Variants in TTLL5 observed in about 807,000 individuals in gnomAD.
The protein encoded by TTLL5 is tubulin polyglutamylase TTLL5.
A neutral mutation model predicts 168.4 loss-of-function variants in TTLL5; 132 were observed. The observed-to-expected ratio is 0.78, with a 90% confidence interval of 0.68 to 0.91. The LOEUF (loss-of-function observed/expected upper bound fraction) is 0.91. Among genes scored for constraint, TTLL5 ranks in the 40% least tolerant of loss-of-function variants. The probability of loss-of-function intolerance (pLI) is 0.00; values close to 1 mark genes in which losing one functional copy is unlikely to be tolerated. For synonymous variants in TTLL5, 546 were observed against 558.6 expected (o/e 0.98, Z 0.32); for missense variants, 1,545 against 1,581.5 (o/e 0.98, Z 0.39).
intron 30 of TTLL5, chr14:75,887,035 C>A (rs575219992): frequency 8.5e-5 from 110 of 1,290,548 alleles, no homozygotes; most frequent in Middle Eastern, 3.0e-4. Context: ...CTGAGATGAC[C>A]TTCTTTACCC....
chr14:75,877,519 A>G (rs1304930314), intron 29 of TTLL5, among the ~76,000 whole-genome samples: 3 of 152,202 alleles, frequency 2.0e-5, no homozygotes, highest in Non-Finnish European at 4.4e-5. Context: ...TTCTTGCTGT[A>G]GTATGGCTGT....
chr14:75,707,484 A>T lies in TTLL5; in HGVS notation c.656-139A>T, dbSNP rs961011238. On this transcript the variant is annotated intron_variant, in intron 8 of 31. Transcript: ENST00000298832. ...TAATTATTAGTTATCCTCCGAAGTCAAGGTGTGTGAGCAGTGTGTGTTTCA... is the reference window on the plus strand; with the variant it reads ...TAATTATTAGTTATCCTCCGAAGTCTAGGTGTGTGAGCAGTGTGTGTTTCA... 8 of 640,124 alleles carry T rather than the reference A, an allele frequency of 1.2e-5. No individual in the cohort carries two copies. The African/African-American group carries it at 1.3e-4, about 10-fold the overall frequency. The allele number at this position is 640,124 out of a possible 1,614,324, so 39.7% of individuals were successfully genotyped here. A position where few individuals can be genotyped will look rare whatever the true frequency, so the allele number is the denominator to read the frequency against.
At chr14:75,906,961 A>G (rs1391561444) in intron 31 of TTLL5, among the ~76,000 whole-genome samples, 1 of 152,246 alleles carries the variant, frequency 6.6e-6, no homozygotes, top group Non-Finnish European at 1.5e-5. Flanking sequence ...TTTTAAGACA[A>G]TTCAAATAAA....
intron 12 of TTLL5, among the ~76,000 whole-genome samples, chr14:75,721,042 G>A (rs1887803808): frequency 6.6e-6 from 1 of 152,152 alleles, no homozygotes. Context: ...CAGCCAGGCT[G>A]GGAACAGTTC....
At chr14:75,832,807 G>A (rs530174747) in intron 28 of TTLL5, among the ~76,000 whole-genome samples, 3 of 152,306 alleles carry the variant, frequency 2.0e-5, no homozygotes, top group Admixed American at 6.5e-5. Flanking sequence ...AGCATTAAAC[G>A]GTCCATTCCA....
intron 28 of TTLL5, among the ~76,000 whole-genome samples, chr14:75,824,416 A>AG (rs1895004080): frequency 8.4e-6 from 1 of 118,362 alleles, no homozygotes; most frequent in South Asian, 3.2e-4. Context: ...CAAGAAGGGC[A>AG]TGTAAGGAGT....
intron 28 of TTLL5, among the ~76,000 whole-genome samples, chr14:75,826,935 C>T (rs901388337): frequency 6.6e-6 from 1 of 152,184 alleles, no homozygotes; most frequent in Non-Finnish European, 1.5e-5. Flanking sequence ...CCCACCTGCC[C>T]TTCTCGCTGC....
In TTLL5 at chr14:75,707,032, C is replaced by T. The variant is rs1282496964; in HGVS notation, c.600C>T (p.Ser200=). Residue 200 remains serine, a synonymous_variant, in exon 8 of 32, where the codon TCC becomes TCT. Transcript: ENST00000298832. ...VYLINNPNQI[S]LEENILVSRY... is the part of the protein sequence containing the mutation. ...TTACTCAATAGCCAAACCAGATCTCCCTGGAAGAGAACATTTTGGTCTCCC... is the reference window on the plus strand; with the variant it reads ...TTACTCAATAGCCAAACCAGATCTCTCTGGAAGAGAACATTTTGGTCTCCC... The T allele has an allele frequency of 2.5e-6, 4 of 1,611,812 alleles. No homozygotes were observed. The highest frequency in any genetic ancestry group is 3.4e-6 in the Non-Finnish European group (4 of 1,178,580).
intron 27 of TTLL5, among the ~76,000 whole-genome samples, chr14:75,818,726 C>T (rs1365129059): frequency 6.6e-6 from 1 of 150,922 alleles, no homozygotes; most frequent in Non-Finnish European, 1.5e-5. Context: ...GTCTCGGTCT[C>T]CTAACCTCGT....
chr14:75,733,571 T>C (rs945438263), intron 13 of TTLL5, among the ~76,000 whole-genome samples: 2 of 152,190 alleles, frequency 1.3e-5, no homozygotes, highest in South Asian at 2.1e-4. Context: ...TTCTCTTGCG[T>C]GTGAATGTGA....
At chr14:75,810,536 T>A (rs1287882598) in intron 27 of TTLL5, among the ~76,000 whole-genome samples, 1 of 151,926 alleles carries the variant, frequency 6.6e-6, no homozygotes, top group Non-Finnish European at 1.5e-5. Context: ...CCTAATTTTT[T>A]AAATTATATT....
chr14:75,820,140 A>T lies in TTLL5; in HGVS notation c.3305A>T (p.His1102Leu). ...TCAGACCCCCAAGCTCCCGAGAATC[A>T]CTCCAGCTCTCCTGGAAGCAGGTAT... ...TQSDPQAPEN[H>L]SSSPGSRSLQ... Residue 1102 changes from histidine to leucine, a missense_variant, in exon 28 of 32, where the codon CAC becomes CTC. Physicochemically the swap from His to Leu is moderately conservative, Grantham distance 99. Transcript: ENST00000298832. The T allele has an allele frequency of 1.3e-6, 2 of 1,591,962 alleles. No individual in the cohort carries two copies. Among genetic ancestry groups the T allele is most frequent in the Non-Finnish European group, 1.7e-6 (2 of 1,170,598 alleles).
intron 16 of TTLL5, 93 bp downstream of exon 16, chr14:75,745,301 C>T: frequency 3.1e-6 from 4 of 1,303,996 alleles, no homozygotes; most frequent in Non-Finnish European, 4.3e-6. Flanking sequence ...AAACTCATGT[C>T]TTACATTGAA....
intron 13 of TTLL5, among the ~76,000 whole-genome samples, 175 bp from the exon 14 acceptor site, chr14:75,733,814 T>A (rs1888710117): frequency 6.6e-6 from 1 of 152,184 alleles, no homozygotes; most frequent in Non-Finnish European, 1.5e-5. Flanking sequence ...CAGGATTTCA[T>A]TTCTCATATT....
chr14:75,809,309 T>A (rs1893847960), intron 27 of TTLL5, among the ~76,000 whole-genome samples: 1 of 152,196 alleles, frequency 6.6e-6, no homozygotes, highest in Non-Finnish European at 1.5e-5. Context: ...AGGTAGCATA[T>A]AACCATTAAT....
chr14:75,837,744 G>A (rs902992008), intron 28 of TTLL5, among the ~76,000 whole-genome samples: 2 of 152,020 alleles, frequency 1.3e-5, no homozygotes, highest in Non-Finnish European at 2.9e-5. Flanking sequence ...TATCCTCAGG[G>A]TTTATCTATG....
intron 31 of TTLL5, among the ~76,000 whole-genome samples, chr14:75,916,691 G>A (rs761185297): frequency 2.0e-5 from 3 of 152,244 alleles, no homozygotes; most frequent in Admixed American, 6.5e-5. Context: ...TTCTGTGTGC[G>A]TATGCCCAAA....
At chr14:75,724,116 C>A (rs911584806) in intron 12 of TTLL5, among the ~76,000 whole-genome samples, 1 of 151,578 alleles carries the variant, frequency 6.6e-6, no homozygotes, top group Non-Finnish European at 1.5e-5. Flanking sequence ...GGGAAACCAA[C>A]AGACCAGACA....
intron 15 of TTLL5, chr14:75,737,643 T>G: frequency 6.6e-7 from 1 of 1,523,750 alleles, no homozygotes; most frequent in East Asian, 2.4e-5. Context: ...TCTTCAAATT[T>G]TATTTTCATT....
Sources: allele counts gnomAD v4.1 joint callset (sites outside exome capture counted in the v4.1 genomes callset), GRCh38; gene constraint gnomAD v4.1.1; transcripts MANE v1.5; gene names NCBI Gene and HGNC (gene_info 2026-07-23, HGNC 2026-07-21).